Variants in TMEM192 observed in about 807,000 individuals in gnomAD.
TMEM192 encodes transmembrane protein 192.
In TMEM192, 20 loss-of-function variants were observed where a neutral mutation model predicts 26.7. The ratio of observed to expected loss-of-function variants is 0.75; its 90% CI spans 0.53 to 1.09. The LOEUF (loss-of-function observed/expected upper bound fraction) is 1.09, where lower values mean the gene tolerates loss of function less well. TMEM192 is among the 50% of genes least tolerant of loss of function. TMEM192 has a pLI of 0.00. For missense variants in TMEM192, 304 were observed against 322.6 expected (o/e 0.94, Z 0.44); for synonymous variants, 124 against 121.0 (o/e 1.02, Z -0.16).
At chr4:165,080,789 ACTGCAAC>A (rs1388217912) in intron 5 of TMEM192, among the ~76,000 whole-genome samples, 1 of 152,118 alleles carries the variant, frequency 6.6e-6, no homozygotes, top group Middle Eastern at 3.2e-3. Context: ...ATCTCTGCTC[ACTGCAAC>A]CTGCACCTCC....
In TMEM192 at chr4:165,103,008, C is replaced by G. The variant is rs755996210; in HGVS notation, c.116G>C (p.Arg39Thr). 52 of 1,613,396 alleles carry G rather than the reference C, an allele frequency of 3.2e-5. No homozygotes were observed. The highest frequency in any genetic ancestry group is 2.2e-5 in the East Asian group (1 of 44,866). ...LPHHSLQAHF[R>T]PRFHPLPTVI... is the part of the protein sequence containing the mutation. Reference sequence around the variant, plus strand: ...TGTAGGAAGAGGATGGAATCGGGGTCTAAAGTGAGCTTGTAATGAGTGGTG... The same window carrying G: ...TGTAGGAAGAGGATGGAATCGGGGTGTAAAGTGAGCTTGTAATGAGTGGTG... Residue 39 changes from arginine (R) to threonine (T), a missense_variant, in exon 2 of 6, where the codon AGA becomes ACA. Arg to Thr is a moderately conservative substitution (Grantham distance 71). Coordinates refer to ENST00000306480, the MANE Select transcript of TMEM192 (RefSeq NM_001100389.2).
chr4:165,088,752 AC>A (rs1734684269), intron 3 of TMEM192, 150 bp from the exon 4 acceptor site: 3 of 778,460 alleles, frequency 3.9e-6, no homozygotes, highest in Non-Finnish European at 5.8e-6. Context: ...AGAAATGAAG[AC>A]CCAGGCCAGG....
At chr4:165,083,032 G>T (rs1158718600) in intron 5 of TMEM192, among the ~76,000 whole-genome samples, 1 of 40,036 alleles carries the variant, frequency 2.5e-5, no homozygotes, top group African/African-American at 4.5e-5. Flanking sequence ...ACCACGTCCG[G>T]CATAAACTGA....
At chr4:165,096,567 G>A (rs1734909951) in intron 3 of TMEM192, among the ~76,000 whole-genome samples, 1 of 150,896 alleles carries the variant, frequency 6.6e-6, no homozygotes, top group Admixed American at 6.6e-5. Flanking sequence ...ATATCAGGCT[G>A]AAGTTAATAT....
chr4:165,071,290 AT>A lies in TMEM192; in HGVS notation c.*8367del, dbSNP rs70952696. 779 of 142,828 alleles carry A rather than the reference AT, an allele frequency of 5.5e-3. 1 individual carries two copies. Among genetic ancestry groups the A allele is most frequent in the African/African-American group, 0.016 (635 of 39,040 alleles). The allele number at this position is 142,828 out of a possible 1,614,324, so 8.8% of individuals were successfully genotyped here. ...TCAGGAGGCTGACTGAAGTGGGAGG[AT>A]TTTTTTTTTTTGGGGGGGGGACGGA... On this transcript the variant is annotated 3_prime_UTR_variant, in exon 6 of 6. Coordinates refer to ENST00000306480, the MANE Select transcript of TMEM192 (RefSeq NM_001100389.2).
At chr4:165,110,599 G>T (rs1735271943) in intron 1 of TMEM192, among the ~76,000 whole-genome samples, 1 of 152,172 alleles carries the variant, frequency 6.6e-6, no homozygotes, top group Admixed American at 6.5e-5. Context: ...CAGCTATTTG[G>T]GAGGCTGAGG....
intron 4 of TMEM192, among the ~76,000 whole-genome samples, chr4:165,087,502 G>A (rs757627698): frequency 2.5e-4 from 38 of 152,308 alleles, no homozygotes; most frequent in South Asian, 1.2e-3. Context: ...TTTATCAAGT[G>A]GATGCAGGCT....
chr4:165,107,311 T>C (rs557456179), intron 1 of TMEM192, among the ~76,000 whole-genome samples: 10 of 146,036 alleles, frequency 6.8e-5, no homozygotes, highest in African/African-American at 2.6e-4. Flanking sequence ...TGTGAACCAC[T>C]GTACCCAACC....
intron 5 of TMEM192, among the ~76,000 whole-genome samples, chr4:165,084,978 A>G (rs1029650056): frequency 6.6e-6 from 1 of 151,886 alleles, no homozygotes; most frequent in Non-Finnish European, 1.5e-5. Context: ...TCTATCCCTT[A>G]AAAAGAAAAT....
intron 3 of TMEM192, among the ~76,000 whole-genome samples, chr4:165,092,374 G>A (rs1304668963): frequency 6.6e-6 from 1 of 151,992 alleles, no homozygotes; most frequent in Non-Finnish European, 1.5e-5. Context: ...CGCGAGCCTC[G>A]GCCTCCCAAA....
chr4:165,098,807 C>T (rs1053024216), intron 3 of TMEM192, among the ~76,000 whole-genome samples: 3 of 151,946 alleles, frequency 2.0e-5, no homozygotes, highest in Non-Finnish European at 4.4e-5. Flanking sequence ...AAGCGATTCT[C>T]CTGCCTCAGC....
rs1734280215 is a variant in TMEM192 at position 165,071,935 on chromosome 4, G to C, written c.*7723C>G. 1 of 152,536 alleles carries C rather than the reference G, an allele frequency of 6.6e-6. No individual in the cohort carries two copies. The highest frequency in any genetic ancestry group is 1.5e-5 in the Non-Finnish European group (1 of 68,386). The allele number at this position is 152,536 out of a possible 1,614,324, so 9.4% of individuals were successfully genotyped here. On this transcript the variant is annotated 3_prime_UTR_variant, in exon 6 of 6. Transcript: ENST00000306480. ...CAGGGTGGAGAGGTAGTGAGAAGCA[G>C]AAAGATCACTTAAAAGACTCTTATA...
chr4:165,090,783 A>C (rs1734739578), intron 3 of TMEM192, among the ~76,000 whole-genome samples: 1 of 151,932 alleles, frequency 6.6e-6, no homozygotes, highest in Non-Finnish European at 1.5e-5. Flanking sequence ...GCACATTTGT[A>C]ATCCCAGCTA....
At chr4:165,104,347 C>A (rs1453168620) in intron 1 of TMEM192, among the ~76,000 whole-genome samples, 1 of 152,164 alleles carries the variant, frequency 6.6e-6, no homozygotes, top group Non-Finnish European at 1.5e-5. Context: ...GTTTTGGCTA[C>A]ACAGAATGAG....
intron 2 of TMEM192, among the ~76,000 whole-genome samples, chr4:165,102,221 C>G (rs535667689): frequency 6.6e-6 from 1 of 152,226 alleles, no homozygotes; most frequent in African/African-American, 2.4e-5. Flanking sequence ...AAACATTATT[C>G]CCTAGGTATA....
At chr4:165,097,233 G>A (rs991037697) in intron 3 of TMEM192, among the ~76,000 whole-genome samples, 1 of 152,128 alleles carries the variant, frequency 6.6e-6, no homozygotes, top group South Asian at 2.1e-4. Context: ...GGTGGCTCAT[G>A]CCTGTAATCC....
At chr4:165,108,728 A>G (rs1046705148) in intron 1 of TMEM192, among the ~76,000 whole-genome samples, 6 of 152,106 alleles carry the variant, frequency 3.9e-5, no homozygotes, top group African/African-American at 1.4e-4. Context: ...ACTCTACTGG[A>G]TGCCTGGTAG....
chr4:165,076,599 CCT>C lies in TMEM192; in HGVS notation c.*3057_*3058del, dbSNP rs1734388408. On this transcript the variant is annotated 3_prime_UTR_variant, in exon 6 of 6. Coordinates refer to ENST00000306480, the MANE Select transcript of TMEM192 (RefSeq NM_001100389.2). ...CTACCCTCCTGCCCCCAGGGTACCCCCTGACGTGGAGCTCCTACAGCATGTTG... is the reference window on the plus strand; with the variant it reads ...CTACCCTCCTGCCCCCAGGGTACCCCGACGTGGAGCTCCTACAGCATGTTG... 6.6e-6 allele frequency: 1 copy of C among 152,250 alleles called. No individual in the cohort carries two copies. 9.4% of individuals were successfully genotyped at this position (152,250 alleles called of 1,614,324 possible).
At chr4:165,095,929 C>G (rs945734987) in intron 3 of TMEM192, among the ~76,000 whole-genome samples, 1 of 150,232 alleles carries the variant, frequency 6.7e-6, no homozygotes, top group African/African-American at 2.4e-5. Flanking sequence ...CGCCCACCAC[C>G]ACCCCAGTCA....
Sources: allele counts gnomAD v4.1 joint callset (sites outside exome capture counted in the v4.1 genomes callset), GRCh38; gene constraint gnomAD v4.1.1; transcripts MANE v1.5; gene names NCBI Gene and HGNC (gene_info 2026-07-23, HGNC 2026-07-21).